Variants in CACNA1H observed in about 807,000 individuals in gnomAD.
CACNA1H encodes the protein calcium voltage-gated channel subunit alpha1 H.
Under a neutral mutation model 192.5 loss-of-function variants are expected in CACNA1H, and 149 were observed. The ratio of observed to expected loss-of-function variants is 0.77; its 90% confidence interval spans 0.68 to 0.89. The LOEUF is 0.89. Among genes scored for constraint, CACNA1H ranks in the 40% least tolerant of loss-of-function variants. The pLI is 0.00. For synonymous variants in CACNA1H, 2,202 were observed against 1,475.2 expected, an observed-to-expected ratio of 1.49 and a Z score of -11.29; for missense variants, 4,257 against 3,423.5, an observed-to-expected ratio of 1.24 and a Z score of -6.08.
At chr16:1,195,636 C>T (rs1273310655) in intron 4 of CACNA1H, 71 bp downstream of exon 4, 2 of 1,479,632 alleles carry the variant, frequency 1.4e-6, no homozygotes, top group African/African-American at 1.4e-5. Flanking sequence ...ATCCCTGTGT[C>T]CCACCTGTAA....
At chr16:1,214,243 C>T (rs1046665789) in intron 27 of CACNA1H, among the ~76,000 whole-genome samples, 2 of 152,046 alleles carry the variant, frequency 1.3e-5, no homozygotes, top group African/African-American at 4.8e-5. Flanking sequence ...GGGAGCCAGG[C>T]AGGCCTGAGG....
At position 1,196,465 on chromosome 16, in the gene CACNA1H, A is replaced by G. The variant is rs1337942882; in HGVS notation, c.643+442A>G. ...GAAGCCCCGCCTTCACACCCACACA[A>G]GTGAGGGGAGAGCCTGACACCTGTC... On this transcript the variant is annotated intron_variant, in intron 5 of 34. Coordinates refer to ENST00000348261, the MANE Select transcript of CACNA1H (RefSeq NM_021098.3). 2.6e-5 allele frequency among the ~76,000 whole-genome samples: 4 copies of G among 152,150 alleles called. No individual in the cohort carries two copies. In the East Asian group the frequency reaches 7.7e-4, roughly 29 times the overall value.
chr16:1,199,865 C>T (rs907880342), intron 6 of CACNA1H, among the ~76,000 whole-genome samples: 8 of 152,100 alleles, frequency 5.3e-5, no homozygotes, highest in South Asian at 2.1e-4. Context: ...GCCCCTCATC[C>T]GCTTCCAGGA....
Position 1,218,283 on chromosome 16 carries a change from T to G in CACNA1H, c.5519T>G (p.Phe1840Cys), listed in dbSNP as rs755405205. The G allele has an allele frequency of 5.8e-6, 9 of 1,552,932 alleles. No individual in the cohort carries two copies. In the Admixed American group the frequency reaches 1.8e-4, roughly 30 times the overall value. ...CTGCCGGCCCTGTCGCCCGTCTACT[T>G]CGTGACCTTCGTGCTGGTGGCCCAG... ...SYLPALSPVY[F>C]VTFVLVAQFV... The change falls in exon 33 of 35, where the codon TTC (phenylalanine) becomes TGC (cysteine). Residue 1840 changes from phenylalanine to cysteine, a missense_variant. Phe to Cys is a radical substitution (Grantham distance 205, BLOSUM62 -2). Transcript: ENST00000348261.
intron 6 of CACNA1H, 51 bp from the exon 7 acceptor site, chr16:1,200,205 C>T (rs976347165): frequency 6.8e-7 from 1 of 1,464,630 alleles, no homozygotes; most frequent in African/African-American, 1.4e-5. Flanking sequence ...CCGACTCTGA[C>T]CGTCCCTGAC....
chr16:1,198,938 C>G (rs1022095824), intron 6 of CACNA1H, 164 bp downstream of exon 6: 3 of 642,838 alleles, frequency 4.7e-6, no homozygotes, highest in African/African-American at 3.7e-5. Context: ...TGCTGTCTCC[C>G]GCCCCCACCC....
chr16:1,209,591 G>T (rs1315275975), intron 17 of CACNA1H, 179 bp downstream of exon 17: 5 of 728,314 alleles, frequency 6.9e-6, no homozygotes, highest in Non-Finnish European at 1.1e-5. Flanking sequence ...AGCCACAGAT[G>T]ATCCCAGAGT....
chr16:1,153,993 A>G lies in CACNA1H; in HGVS notation c.256A>G (p.Thr86Ala). The G allele has an allele frequency of 7.6e-7, 1 of 1,315,960 alleles. No individual in the cohort carries two copies. The highest frequency in any genetic ancestry group is 9.8e-7 in the Non-Finnish European group (1 of 1,018,864). The allele number at this position is 1,315,960 out of a possible 1,614,324, so 81.5% of individuals were successfully genotyped here. ...CACGGTCTTCTTCTGCCTCGGTCAG[A>G]CCACGCGGCCGCGCAGCTGGTGCCT... is the stretch of plus-strand genomic sequence containing the variant. ...AATVFFCLGQ[T>A]TRPRSWCLRL... Residue 86 changes from threonine to alanine, a missense_variant, in exon 2 of 35, where the codon ACC (threonine) becomes GCC (alanine). Transcript: ENST00000348261.
In CACNA1H at chr16:1,182,873, GCTGAGTC is replaced by G. The variant is rs1020426320; in HGVS notation, c.300-12088_300-12082del. Among the ~76,000 whole-genome samples the G allele has an allele frequency of 1.2e-4, 19 of 152,224 alleles. No individual in the cohort carries two copies. In the South Asian group the frequency reaches 2.9e-3, roughly 23 times the overall value. ...ATGGGGTGCAGGTGACCTCTCTGGA[GCTGAGTC>G]CTGAGTCCTGGGCCCAACCTGAGAG... On this transcript the variant is annotated intron_variant, in intron 2 of 34. Transcript: ENST00000348261.
At chr16:1,212,269 A>G (rs1369024732) in intron 25 of CACNA1H, 131 bp downstream of exon 25, 1 of 1,358,682 alleles carries the variant, frequency 7.4e-7, no homozygotes, top group Non-Finnish European at 9.8e-7. Context: ...CTGGGCCTGC[A>G]TGGGGGCTGG....
intron 5 of CACNA1H, among the ~76,000 whole-genome samples, chr16:1,197,458 G>A (rs544313588): frequency 1.8e-4 from 27 of 152,294 alleles, no homozygotes; most frequent in African/African-American, 4.3e-4. Context: ...CCTAATTGTC[G>A]CCAGCAGCCT....
At chr16:1,168,243 C>T (rs1201050837) in intron 2 of CACNA1H, among the ~76,000 whole-genome samples, 1 of 151,996 alleles carries the variant, frequency 6.6e-6, no homozygotes, top group African/African-American at 2.4e-5. Flanking sequence ...ATGAGCCCAC[C>T]ATGTCCAGTC....
chr16:1,212,468 G>A (rs1241730770), intron 25 of CACNA1H, 43 bp from the exon 26 acceptor site: 1 of 1,593,864 alleles, frequency 6.3e-7, no homozygotes, highest in Non-Finnish European at 8.6e-7. Context: ...AGGCCCGAGT[G>A]CGCCACGCCC....
intron 9 of CACNA1H, 109 bp from the exon 10 acceptor site, chr16:1,203,901 C>T (rs1017338820): frequency 7.7e-6 from 6 of 777,130 alleles, no homozygotes; most frequent in Admixed American, 2.9e-5. Context: ...CTGGATGGAT[C>T]TTTCTGGGGG....
chr16:1,175,902 G>A (rs1964835805), intron 2 of CACNA1H, among the ~76,000 whole-genome samples: 1 of 152,128 alleles, frequency 6.6e-6, no homozygotes, highest in Admixed American at 6.5e-5. Flanking sequence ...CCTCCTGCCC[G>A]GACCCCCAGT....
At chr16:1,170,952 T>C (rs553927177) in intron 2 of CACNA1H, among the ~76,000 whole-genome samples, 1 of 152,122 alleles carries the variant, frequency 6.6e-6, no homozygotes, top group African/African-American at 2.4e-5. Flanking sequence ...CTGGGGGCCT[T>C]CTGCTCCCCA....
rs773277660 is a variant in CACNA1H at position 1,201,725 on chromosome 16, G to A, written c.1275G>A (p.Thr425=). The change falls in exon 9 of 35, where the codon ACG becomes ACA. Residue 425 remains threonine, a synonymous_variant. Coordinates refer to ENST00000348261, the MANE Select transcript of CACNA1H (RefSeq NM_021098.3). Reference sequence around the variant, plus strand: ...TGATTGCCACGCAGTTCTCGGAGACGAAGCAGCGGGAGAGTCAGCTGATGC... The same window carrying A: ...TGATTGCCACGCAGTTCTCGGAGACAAAGCAGCGGGAGAGTCAGCTGATGC... ...LVVIATQFSE[T]KQRESQLMRE... 60 of 1,610,278 alleles carry A rather than the reference G, an allele frequency of 3.7e-5. 1 individual carries two copies. In the South Asian group the frequency reaches 5.1e-4, roughly 14 times the overall value.
Position 1,212,438 on chromosome 16 carries a change from G to T in CACNA1H, c.4760-73G>T. The T allele has an allele frequency of 3.4e-6, 5 of 1,459,156 alleles. 1 individual carries two copies. The South Asian group carries it at 6.0e-5, about 18-fold the overall frequency. 90.4% of individuals were successfully genotyped at this position (1,459,156 alleles called of 1,614,324 possible). A position where few individuals can be genotyped will look rare whatever the true frequency, so the allele number is the denominator to read the frequency against. ...ACAGCCCCCGAGACACGGGGGCTGA[G>T]GGAGAGCAGGGAGGGCTCCAGGCCC... On this transcript the variant is annotated intron_variant, in intron 25 of 34. Transcript: ENST00000348261.
intron 3 of CACNA1H, 150 bp downstream of exon 3, chr16:1,195,233 C>T (rs1441597657): frequency 6.5e-5 from 28 of 432,964 alleles, no homozygotes; most frequent in Middle Eastern, 1.6e-3. Flanking sequence ...CGGCGGGGCG[C>T]GAGGTGGGGC....
Sources: allele counts gnomAD v4.1 joint callset (sites outside exome capture counted in the v4.1 genomes callset), GRCh38; gene constraint gnomAD v4.1.1; transcripts MANE v1.5; gene names NCBI Gene and HGNC (gene_info 2026-07-23, HGNC 2026-07-21).